The following TTL variants were observed in gnomAD, a reference collection of about 807,000 sequenced individuals.
TTL encodes tubulin--tyrosine ligase.
Under a neutral mutation model 41.1 loss-of-function variants are expected in TTL, and 10 were observed. The ratio of observed to expected loss-of-function variants is 0.24; its 90% CI spans 0.15 to 0.41. The LOEUF (loss-of-function observed/expected upper bound fraction) is 0.41. Among genes scored for constraint, TTL ranks in the 10% least tolerant of loss-of-function variants. The pLI is 1.00. For synonymous variants in TTL, 175 were observed against 175.5 expected (o/e 1.00, Z 0.02); for missense variants, 367 against 460.4 (o/e 0.80, Z 1.86).
intron 6 of TTL, among the ~76,000 whole-genome samples, chr2:112,524,409 C>T (rs1476099601): frequency 1.3e-5 from 2 of 152,216 alleles, no homozygotes; most frequent in Non-Finnish European, 2.9e-5. Flanking sequence ...ACAGCCCCAC[C>T]AACAGTGTAA....
At position 112,536,774 on chromosome 2, in the gene TTL, A is replaced by C. The variant is rs1682607106; in HGVS notation, c.*7979A>C. On this transcript the variant is annotated 3_prime_UTR_variant, in exon 7 of 7. Transcript: ENST00000233336. ...TTGGCTCCCACTTATGAGACTGTGC[A>C]ATATTTGGTTTTCTGTTCCTGTGTT... The C allele has an allele frequency of 6.6e-6, 1 of 152,128 alleles. No homozygotes were observed. The highest frequency in any genetic ancestry group is 2.4e-5 in the African/African-American group (1 of 41,410). 9.4% of individuals were successfully genotyped at this position (152,128 alleles called of 1,614,324 possible). A position where few individuals can be genotyped will look rare whatever the true frequency, so the allele number is the denominator to read the frequency against.
intron 6 of TTL, among the ~76,000 whole-genome samples, chr2:112,526,542 C>A (rs1682377997): frequency 6.6e-6 from 1 of 152,120 alleles, no homozygotes; most frequent in African/African-American, 2.4e-5. Context: ...AGGAATTTAT[C>A]CATTTCTTCT....
chr2:112,504,158 G>T (rs1681779368), intron 5 of TTL, among the ~76,000 whole-genome samples: 1 of 10,602 alleles, frequency 9.4e-5, no homozygotes, highest in Non-Finnish European at 2.0e-4. Context: ...ATTTTTTATG[G>T]CTGCATAGTA....
chr2:112,498,274 G>A (rs1681588959), intron 3 of TTL, among the ~76,000 whole-genome samples: 1 of 152,098 alleles, frequency 6.6e-6, no homozygotes, highest in South Asian at 2.1e-4. Context: ...AGTGAGCTGA[G>A]ATCGCACCAT....
chr2:112,509,556 CG>C (rs755110214), intron 5 of TTL, among the ~76,000 whole-genome samples: 7 of 152,098 alleles, frequency 4.6e-5, no homozygotes, highest in African/African-American at 7.2e-5. Context: ...GCGCAATATT[CG>C]GGTGGGAGTG....
chr2:112,494,581 C>T (rs1312514160), intron 3 of TTL, among the ~76,000 whole-genome samples: 3 of 152,122 alleles, frequency 2.0e-5, no homozygotes, highest in African/African-American at 7.2e-5. Context: ...TCCATTGACA[C>T]CCTCACCATC....
intron 2 of TTL, among the ~76,000 whole-genome samples, chr2:112,487,120 GC>G (rs763041010): frequency 3.0e-4 from 46 of 152,328 alleles, no homozygotes; most frequent in Non-Finnish European, 5.9e-4. Context: ...TGTGTGTGTA[GC>G]CAGGTACTGG....
intron 5 of TTL, 70 bp from the exon 6 acceptor site, chr2:112,520,212 A>G: frequency 1.3e-6 from 2 of 1,564,946 alleles, no homozygotes; most frequent in East Asian, 2.3e-5. Context: ...AAATCTTTCA[A>G]GCACACCTCA....
chr2:112,521,656 C>T (rs1428335636), intron 6 of TTL, among the ~76,000 whole-genome samples: 1 of 152,160 alleles, frequency 6.6e-6, no homozygotes, highest in African/African-American at 2.4e-5. Flanking sequence ...CCGATAAGTG[C>T]TTATCAGGTG....
intron 5 of TTL, among the ~76,000 whole-genome samples, chr2:112,513,198 G>T (rs1681970586): frequency 6.6e-6 from 1 of 151,806 alleles, no homozygotes; most frequent in Admixed American, 6.6e-5. Context: ...ATTTGCACAG[G>T]TATGATAGAT....
At chr2:112,518,290 A>G (rs1222187673) in intron 5 of TTL, among the ~76,000 whole-genome samples, 3 of 151,200 alleles carry the variant, frequency 2.0e-5, no homozygotes, top group Non-Finnish European at 4.4e-5. Context: ...AGAGTATTTT[A>G]ATTAAAGCAA....
chr2:112,530,610 G>A lies in TTL; in HGVS notation c.*1815G>A, dbSNP rs1374861923. ...GGGTCCCTGGCAAGTCTAGGTGGGC[G>A]GGTGACAGGGAAAGCATGGGCATTT... On this transcript the variant is annotated 3_prime_UTR_variant, in exon 7 of 7. Coordinates refer to ENST00000233336, the MANE Select transcript of TTL (RefSeq NM_153712.5). 3 of 226,832 alleles carry A rather than the reference G, an allele frequency of 1.3e-5. No homozygotes were observed. The highest frequency in any genetic ancestry group is 2.6e-5 in the Non-Finnish European group (3 of 113,976). 14.1% of individuals were successfully genotyped at this position (226,832 alleles called of 1,614,324 possible).
intron 3 of TTL, among the ~76,000 whole-genome samples, chr2:112,498,162 A>C (rs1681587166): frequency 6.6e-6 from 1 of 152,032 alleles, no homozygotes; most frequent in South Asian, 2.1e-4. Flanking sequence ...TGTCTCTATA[A>C]AAATACACAA....
At chr2:112,497,102 G>C (rs1156692331) in intron 3 of TTL, among the ~76,000 whole-genome samples, 1 of 151,840 alleles carries the variant, frequency 6.6e-6, no homozygotes, top group Non-Finnish European at 1.5e-5. Context: ...TTACAGGCGT[G>C]AGCCACCGTG....
rs1682583024 is a variant in TTL at position 112,535,585 on chromosome 2, A to C, written c.*6790A>C. ...GAAATGTTACACTAGAAAATATATAAGAAAAGAGAAGGAAGTAATGAAAAA... is the reference window on the plus strand; with the variant it reads ...GAAATGTTACACTAGAAAATATATACGAAAAGAGAAGGAAGTAATGAAAAA... On this transcript the variant is annotated 3_prime_UTR_variant, in exon 7 of 7. Transcript: ENST00000233336. 1 of 152,188 alleles carries C rather than the reference A, an allele frequency of 6.6e-6. No homozygotes were observed. The highest frequency in any genetic ancestry group is 1.5e-5 in the Non-Finnish European group (1 of 68,040). 9.4% of individuals were successfully genotyped at this position (152,188 alleles called of 1,614,324 possible).
intron 5 of TTL, among the ~76,000 whole-genome samples, chr2:112,512,820 C>T (rs955361862): frequency 6.6e-6 from 1 of 152,096 alleles, no homozygotes; most frequent in African/African-American, 2.4e-5. Flanking sequence ...TGTTGTCTGT[C>T]CCCTCCTTTA....
At chr2:112,521,357 C>T (rs900423129) in intron 6 of TTL, 11 of 985,140 alleles carry the variant, frequency 1.1e-5, no homozygotes, top group Non-Finnish European at 1.3e-5. Context: ...AGAGGACCTT[C>T]TGTGGAAGGC....
At chr2:112,528,609 C>G (rs369214464) in intron 6 of TTL, 72 bp from the exon 7 acceptor site, 14 of 1,367,894 alleles carry the variant, frequency 1.0e-5, no homozygotes, top group Middle Eastern at 1.8e-4. Flanking sequence ...GTCTCAAAAA[C>G]AAAAAACATC....
intron 5 of TTL, among the ~76,000 whole-genome samples, chr2:112,515,223 A>G (rs1161292192): frequency 2.6e-5 from 4 of 152,180 alleles, no homozygotes; most frequent in Admixed American, 2.6e-4. Flanking sequence ...TGCCCTGTGT[A>G]TGGGCTGCAT....
Sources: gnomAD v4.1 joint callset for allele counts (sites outside exome capture counted in the v4.1 genomes callset) on GRCh38, gnomAD v4.1.1 for gene constraint, MANE v1.5 for transcripts, NCBI Gene and HGNC (gene_info 2026-07-23, HGNC 2026-07-21) for gene names.